RHOJ: variants seen among roughly 807,000 people sequenced by gnomAD.
RHOJ encodes the protein rho-related GTP-binding protein RhoJ.
RHOJ carries 11 observed loss-of-function variants against 23.4 expected under a neutral mutation model. The ratio of observed to expected loss-of-function variants is 0.47; its 90% CI spans 0.30 to 0.78. The LOEUF (loss-of-function observed/expected upper bound fraction) is 0.78. Among genes scored for constraint, RHOJ ranks in the 30% least tolerant of loss-of-function variants. The probability of loss-of-function intolerance (pLI) is 0.08; values close to 1 mark genes in which losing one functional copy is unlikely to be tolerated. For synonymous variants in RHOJ, 102 were observed against 102.7 expected (o/e 0.99, Z 0.04); for missense variants, 254 against 273.4 (o/e 0.93, Z 0.50).
At chr14:63,285,694 G>C (rs1337139238) in intron 4 of RHOJ, among the ~76,000 whole-genome samples, 1 of 151,704 alleles carries the variant, frequency 6.6e-6, no homozygotes, top group Non-Finnish European at 1.5e-5. Context: ...TTAATCCTCA[G>C]CCTACTTTTC....
chr14:63,227,338 A>G (rs766526309), intron 1 of RHOJ, among the ~76,000 whole-genome samples: 8 of 152,192 alleles, frequency 5.3e-5, no homozygotes, highest in Non-Finnish European at 1.0e-4. Flanking sequence ...CTCTAGGAAT[A>G]TTGGTCTCAT....
At chr14:63,288,310 G>A in intron 4 of RHOJ, 1 of 985,440 alleles carries the variant, frequency 1.0e-6, no homozygotes, top group Non-Finnish European at 1.2e-6. Context: ...CCTCCTGCAG[G>A]ACTCCAGGTG....
At chr14:63,216,302 C>T (rs1358119440) in intron 1 of RHOJ, among the ~76,000 whole-genome samples, 1 of 152,128 alleles carries the variant, frequency 6.6e-6, no homozygotes, top group Non-Finnish European at 1.5e-5. Flanking sequence ...GTATGTGCTG[C>T]ATACATTTTT....
chr14:63,262,324 C>A (rs1895286807), intron 1 of RHOJ, among the ~76,000 whole-genome samples: 1 of 152,134 alleles, frequency 6.6e-6, no homozygotes, highest in African/African-American at 2.4e-5. Context: ...GGGTGGAACT[C>A]AAGACAGCAA....
intron 1 of RHOJ, among the ~76,000 whole-genome samples, chr14:63,249,526 G>A (rs187517462): frequency 6.6e-6 from 1 of 152,328 alleles, no homozygotes; most frequent in East Asian, 1.9e-4. Flanking sequence ...GCTGCTGAAA[G>A]TTCAAGTGTT....
intron 1 of RHOJ, among the ~76,000 whole-genome samples, chr14:63,256,311 T>C (rs1480380707): frequency 2.6e-5 from 4 of 152,142 alleles, no homozygotes; most frequent in Admixed American, 2.0e-4. Flanking sequence ...AATATTCTTT[T>C]ATTTATTATC....
At chr14:63,248,386 CA>C (rs894731674) in intron 1 of RHOJ, among the ~76,000 whole-genome samples, 3 of 152,074 alleles carry the variant, frequency 2.0e-5, no homozygotes, top group South Asian at 2.1e-4. Flanking sequence ...CCCTAGATAC[CA>C]GTGTTATGGA....
rs572500327 is a variant in RHOJ, at chr14:63,210,294, C to T, written c.178+5247C>T. On this transcript the variant is annotated intron_variant, in intron 1 of 4. Coordinates refer to ENST00000316754, the MANE Select transcript of RHOJ (RefSeq NM_020663.5). The stretch of plus-strand genomic sequence containing the variant: ...TTTTCTTGACCTAAGTGGCCAGTGT[C>T]ACATCTACTGAATAGCTTAACTATA... 5.7e-4 allele frequency among the ~76,000 whole-genome samples: 87 copies of T among 152,286 alleles called. 1 individual carries two copies. Among genetic ancestry groups the T allele is most frequent in the Admixed American group, 4.8e-3 (73 of 15,296 alleles).
chr14:63,288,820 T>C (rs1487918235), intron 4 of RHOJ, among the ~76,000 whole-genome samples: 2 of 152,116 alleles, frequency 1.3e-5, no homozygotes, highest in African/African-American at 4.8e-5. Context: ...GTTTAGGAAA[T>C]AGTGTCTGGG....
intron 1 of RHOJ, among the ~76,000 whole-genome samples, chr14:63,244,107 G>A (rs1178606451): frequency 6.6e-6 from 1 of 152,148 alleles, no homozygotes; most frequent in Non-Finnish European, 1.5e-5. Context: ...CCAACACAGG[G>A]ATGATAGAGC....
At chr14:63,258,226 C>T (rs1408373837) in intron 1 of RHOJ, among the ~76,000 whole-genome samples, 1 of 136,754 alleles carries the variant, frequency 7.3e-6, no homozygotes, top group East Asian at 2.2e-4. Context: ...GAAACTCTGT[C>T]CCAAAAAAAA....
intron 1 of RHOJ, among the ~76,000 whole-genome samples, chr14:63,235,300 G>C (rs764454302): frequency 8.0e-5 from 12 of 149,986 alleles, no homozygotes; most frequent in Admixed American, 2.6e-4. Context: ...ATTGGATCCT[G>C]ATTTTAAAAA....
At position 63,262,729 on chromosome 14, in the gene RHOJ, CT is replaced by C. The variant is rs1380571605; in HGVS notation, c.179-6380del. 5.3e-5 allele frequency among the ~76,000 whole-genome samples: 8 copies of C among 152,348 alleles called. No individual in the cohort carries two copies. The South Asian group carries it at 1.5e-3, about 28-fold the overall frequency. ...CATTTCGAAGAACTTTATTCTGCCC[CT>C]GGTGCTGTATATCTGCACTGTGTAT... is the stretch of plus-strand genomic sequence containing the variant. On this transcript the variant is annotated intron_variant, in intron 1 of 4. Coordinates refer to ENST00000316754, the MANE Select transcript of RHOJ (RefSeq NM_020663.5).
intron 2 of RHOJ, among the ~76,000 whole-genome samples, chr14:63,279,625 A>G (rs1248290799): frequency 2.0e-5 from 3 of 152,258 alleles, no homozygotes; most frequent in African/African-American, 7.2e-5. Flanking sequence ...AAATACATAA[A>G]TATCTTATGT....
At chr14:63,263,945 G>A (rs767116902) in intron 1 of RHOJ, among the ~76,000 whole-genome samples, 6 of 151,136 alleles carry the variant, frequency 4.0e-5, no homozygotes, top group Non-Finnish European at 8.8e-5. Context: ...CCATCCTCAG[G>A]AACTCAGCTC....
chr14:63,272,926 G>A (rs187976403), intron 2 of RHOJ, among the ~76,000 whole-genome samples: 1 of 152,304 alleles, frequency 6.6e-6, no homozygotes, highest in African/African-American at 2.4e-5. Context: ...GGGGGGCTGA[G>A]GCAGGAGAAT....
Position 63,290,987 on chromosome 14 carries a change from G to T in RHOJ, c.608G>T (p.Arg203Leu). ...TIFHPKKKKK[R>L]CSEGHSCCSI... ...TTCCACCCCAAGAAAAAGAAGAAAC[G>T]CTGTTCTGAGGGTCACAGCTGCTGT... Residue 203 changes from arginine (R) to leucine (L), a missense_variant, in exon 5 of 5, where the codon CGC (arginine) becomes CTC (leucine). Transcript: ENST00000316754. 6.2e-7 allele frequency: 1 copy of T among 1,614,106 alleles called. No individual in the cohort carries two copies. The highest frequency in any genetic ancestry group is 1.3e-5 in the African/African-American group (1 of 75,006).
intron 1 of RHOJ, among the ~76,000 whole-genome samples, chr14:63,217,931 T>G (rs559807899): frequency 9.9e-5 from 15 of 152,244 alleles, no homozygotes; most frequent in Non-Finnish European, 2.1e-4. Context: ...CCTAACAGGA[T>G]GTAAACTCTA....
intron 1 of RHOJ, among the ~76,000 whole-genome samples, chr14:63,214,880 A>G (rs566374631): frequency 1.6e-4 from 25 of 152,294 alleles, no homozygotes; most frequent in African/African-American, 6.0e-4. Context: ...AATGAAAAAA[A>G]TAATCAACAT....
Sources: allele counts gnomAD v4.1 joint callset (sites outside exome capture counted in the v4.1 genomes callset), GRCh38; gene constraint gnomAD v4.1.1; transcripts MANE v1.5; gene names NCBI Gene and HGNC (gene_info 2026-07-23, HGNC 2026-07-21).